The following BPIFC variants were observed in gnomAD, a reference collection of about 807,000 sequenced individuals.
BPIFC encodes the protein BPI fold containing family C.
Under a neutral mutation model 57.6 loss-of-function variants are expected in BPIFC, and 60 were observed. The ratio of observed to expected loss-of-function variants is 1.04; its 90% CI spans 0.85 to 1.29. The LOEUF (loss-of-function observed/expected upper bound fraction) is 1.29. Ranked by LOEUF, BPIFC falls within the 50% of genes most tolerant of loss-of-function variation. The probability of loss-of-function intolerance (pLI) is 0.00; values close to 1 mark genes in which losing one functional copy is unlikely to be tolerated. For missense variants in BPIFC, 581 were observed against 600.5 expected, an observed-to-expected ratio of 0.97 and a Z score of 0.34; for synonymous variants, 243 against 224.5, an observed-to-expected ratio of 1.08 and a Z score of -0.74.
intron 13 of BPIFC, among the ~76,000 whole-genome samples, chr22:32,430,453 A>G (rs1279616928): frequency 6.6e-6 from 1 of 150,626 alleles, no homozygotes; most frequent in East Asian, 1.9e-4. Flanking sequence ...ACAGAATTAT[A>G]TATATATTCT....
At chr22:32,416,846 G>A (rs543780064) in intron 15 of BPIFC, among the ~76,000 whole-genome samples, 10 of 152,318 alleles carry the variant, frequency 6.6e-5, no homozygotes, top group South Asian at 2.1e-4. Flanking sequence ...AGAGTTGGCC[G>A]ATCTTGCTGA....
intron 10 of BPIFC, among the ~76,000 whole-genome samples, chr22:32,435,086 C>T (rs1208550848): frequency 6.6e-6 from 1 of 152,116 alleles, no homozygotes; most frequent in Admixed American, 6.5e-5. Context: ...TCTTTTAATG[C>T]CCATATAAAC....
intron 13 of BPIFC, among the ~76,000 whole-genome samples, chr22:32,424,657 T>TCC (rs1601447308): frequency 9.6e-5 from 6 of 62,248 alleles, no homozygotes; most frequent in African/African-American, 3.6e-4. Context: ...CTTCTTCTTC[T>TCC]TCTTCTTCTT....
intron 7 of BPIFC, among the ~76,000 whole-genome samples, chr22:32,445,019 G>A (rs768651047): frequency 6.6e-6 from 1 of 152,186 alleles, no homozygotes; most frequent in African/African-American, 2.4e-5. Context: ...TACATAATAA[G>A]TAAATTCTTG....
chr22:32,439,458 T>TG (rs1483358426), intron 8 of BPIFC, among the ~76,000 whole-genome samples: 2 of 152,354 alleles, frequency 1.3e-5, no homozygotes, highest in Non-Finnish European at 1.5e-5. Flanking sequence ...TTCTACAATA[T>TG]GAAGACCTAC....
chr22:32,442,722 T>C lies in BPIFC; in HGVS notation c.604A>G (p.Ile202Val). Residue 202 changes from isoleucine (I) to valine (V), a missense_variant, in exon 8 of 17, where the codon ATT becomes GTT. Coordinates refer to ENST00000300399, the MANE Select transcript of BPIFC (RefSeq NM_174932.3). ...AGCGCTTTGACTTCACTTGCAATAA[T>C]GGGACAGAGCTGGCCACAAAGGAAT... ...LKNLNEMLCP[I>V]IASEVKALNA... The C allele has an allele frequency of 6.2e-7, 1 of 1,613,892 alleles. No individual in the cohort carries two copies. Among genetic ancestry groups the C allele is most frequent in the Non-Finnish European group, 8.5e-7 (1 of 1,179,934 alleles).
At chr22:32,440,789 A>G (rs912804565) in intron 8 of BPIFC, among the ~76,000 whole-genome samples, 3 of 152,078 alleles carry the variant, frequency 2.0e-5, no homozygotes, top group Non-Finnish European at 2.9e-5. Context: ...CAGAATCCCA[A>G]CATGCCTTAC....
Position 32,453,122 on chromosome 22 carries a change from C to T in BPIFC, c.245+261G>A, listed in dbSNP as rs182569922. On this transcript the variant is annotated intron_variant, in intron 4 of 16. Coordinates refer to ENST00000300399, the MANE Select transcript of BPIFC (RefSeq NM_174932.3). The stretch of plus-strand genomic sequence containing the variant: ...CAGAAAAACTCATTAAAAAAGAAGA[C>T]TGACTCAGCTTTTAAGAACGCCTTT... Among the ~76,000 whole-genome samples the T allele has an allele frequency of 1.0e-3, 154 of 152,278 alleles. 2 individuals carry two copies. The South Asian group carries it at 0.012, about 12-fold the overall frequency.
At chr22:32,430,768 G>C (rs1342881685) in intron 13 of BPIFC, among the ~76,000 whole-genome samples, 1 of 151,854 alleles carries the variant, frequency 6.6e-6, no homozygotes. Flanking sequence ...AGCTTCCTGA[G>C]TAGTTGGGAT....
chr22:32,435,828 G>C lies in BPIFC; in HGVS notation c.800C>G (p.Pro267Arg). The change falls in exon 10 of 17, where the codon CCT (proline) becomes CGT (arginine). Residue 267 changes from proline (P) to arginine (R), a missense_variant. Pro to Arg is a moderately radical substitution (Grantham distance 103). Transcript: ENST00000300399. Reference sequence around the variant, plus strand: ...GTTGCTGCGTTCTGGGAGCACAAAAGGAACTGGTGAGAAGGGGGGGTCGGT... The same window carrying C: ...GTTGCTGCGTTCTGGGAGCACAAAACGAACTGGTGAGAAGGGGGGGTCGGT... ...NLTDPPFSPV[P>R]FVLPERSNSM... 6.2e-7 allele frequency: 1 copy of C among 1,614,138 alleles called. No individual in the cohort carries two copies. The highest frequency in any genetic ancestry group is 1.1e-5 in the South Asian group (1 of 91,076).
At chr22:32,426,407 A>G (rs1934068378) in intron 13 of BPIFC, among the ~76,000 whole-genome samples, 1 of 152,162 alleles carries the variant, frequency 6.6e-6, no homozygotes, top group Admixed American at 6.5e-5. Flanking sequence ...TGTCATTTCA[A>G]CACAGCCTTG....
At chr22:32,416,079 CTT>C (rs386395239) in intron 15 of BPIFC, 88 bp from the exon 16 acceptor site, 12,044 of 424,568 alleles carry the variant, frequency 0.028, no homozygotes, top group South Asian at 0.037. Context: ...TGACAGCTTG[CTT>C]TTTTTTTTTT....
Position 32,432,384 on chromosome 22 carries a change from A to C in BPIFC, c.1138T>G (p.Ser380Ala). ...PKNSTVETIV[S>A]MDFVASTSVG... ...CTCCCCAGACTTACGAAGTCCATGG[A>C]AACGATGGTTTCAACTGTGGAGTTC... Residue 380 changes from serine (S) to alanine (A), a missense_variant, in exon 12 of 17, where the codon TCC becomes GCC. Transcript: ENST00000300399. The C allele has an allele frequency of 1.2e-6, 2 of 1,614,068 alleles. No homozygotes were observed. The highest frequency in any genetic ancestry group is 1.7e-6 in the Non-Finnish European group (2 of 1,180,026).
intron 9 of BPIFC, among the ~76,000 whole-genome samples, chr22:32,436,912 GA>G (rs201540569): frequency 0.12 from 18,330 of 152,202 alleles, 1,258 homozygotes; most frequent in Middle Eastern, 0.2. Context: ...AGACTCTGGT[GA>G]GTGAAATATG....
intron 3 of BPIFC, among the ~76,000 whole-genome samples, 163 bp downstream of exon 3, chr22:32,457,100 C>T (rs557734142): frequency 6.6e-6 from 1 of 152,326 alleles, no homozygotes; most frequent in South Asian, 2.1e-4. Flanking sequence ...TTAGGCAACG[C>T]TTTCTTCGCA....
At chr22:32,426,891 G>GAA (rs71694756) in intron 13 of BPIFC, among the ~76,000 whole-genome samples, 1 of 96,940 alleles carries the variant, frequency 1.0e-5, no homozygotes, top group African/African-American at 4.9e-5. Flanking sequence ...GACTCTGTCT[G>GAA]AAAAAAAAAA....
chr22:32,421,878 C>A (rs1299203588), intron 13 of BPIFC, among the ~76,000 whole-genome samples: 1 of 152,180 alleles, frequency 6.6e-6, no homozygotes, highest in African/African-American at 2.4e-5. Context: ...CAAAGAGGAA[C>A]TTGATTTCAT....
intron 13 of BPIFC, among the ~76,000 whole-genome samples, chr22:32,420,628 A>G (rs918879483): frequency 6.6e-6 from 1 of 152,236 alleles, no homozygotes; most frequent in Non-Finnish European, 1.5e-5. Flanking sequence ...TTTCTCAACT[A>G]TGAAATATGA....
At chr22:32,449,879 C>T (rs987624137) in intron 4 of BPIFC, among the ~76,000 whole-genome samples, 6 of 151,892 alleles carry the variant, frequency 4.0e-5, no homozygotes, top group African/African-American at 1.5e-4. Flanking sequence ...GGACTATAGG[C>T]GCCCACCACC....
Sources: allele counts gnomAD v4.1 joint callset (sites outside exome capture counted in the v4.1 genomes callset), GRCh38; gene constraint gnomAD v4.1.1; transcripts MANE v1.5; gene names NCBI Gene and HGNC (gene_info 2026-07-23, HGNC 2026-07-21).